The following DNAH3 variants were observed in gnomAD, a reference collection of about 807,000 sequenced individuals.
DNAH3 encodes the protein dynein axonemal heavy chain 3, also known as axonemal beta dynein heavy chain 3.
In DNAH3, 332 loss-of-function variants were observed where a neutral mutation model predicts 432.5. That is an observed-to-expected ratio of 0.77 (90% CI 0.70 to 0.84). DNAH3 has a LOEUF of 0.84. Among genes scored for constraint, DNAH3 ranks in the 40% least tolerant of loss-of-function variants. The probability of loss-of-function intolerance (pLI) is 0.00; values close to 1 mark genes in which losing one functional copy is unlikely to be tolerated. For synonymous variants in DNAH3, 1,956 were observed against 1,900.2 expected (o/e 1.03, Z -0.76); for missense variants, 4,861 against 5,114.0 (o/e 0.95, Z 1.51).
At chr16:21,137,117 A>T (rs1433331805) in intron 5 of DNAH3, among the ~76,000 whole-genome samples, 3 of 151,986 alleles carry the variant, frequency 2.0e-5, no homozygotes, top group Non-Finnish European at 4.4e-5. Context: ...CTGGGTGACC[A>T]ATCGAGACTC....
intron 18 of DNAH3, among the ~76,000 whole-genome samples, chr16:21,089,431 A>T (rs1250541410): frequency 6.6e-6 from 1 of 152,234 alleles, no homozygotes; most frequent in Non-Finnish European, 1.5e-5. Flanking sequence ...TATTGCAAAT[A>T]GAACACTTAC....
intron 40 of DNAH3, among the ~76,000 whole-genome samples, chr16:21,020,850 T>G (rs2088178422): frequency 6.6e-6 from 1 of 152,206 alleles, no homozygotes; most frequent in South Asian, 2.1e-4. Context: ...GTTTTCATCT[T>G]GAAGAACTGA....
chr16:21,104,495 T>C, exon 16 of DNAH3: 1 of 1,614,034 alleles, frequency 6.2e-7, no homozygotes, highest in South Asian at 1.1e-5. Flanking sequence ...CATTTCTGCC[T>C]GATCCCTCTT....
At chr16:20,987,907 A>G in intron 45 of DNAH3, 35 bp downstream of exon 45, 1 of 1,614,146 alleles carries the variant, frequency 6.2e-7, no homozygotes, top group Non-Finnish European at 8.5e-7. Flanking sequence ...GAGAACCCCC[A>G]GCCCACTATC....
exon 38 of DNAH3, chr16:21,027,089 G>A (rs1567660810): frequency 6.2e-7 from 1 of 1,613,796 alleles, no homozygotes; most frequent in African/African-American, 1.3e-5. Context: ...GGCTCATCTT[G>A]GAGTTCATCT....
chr16:21,131,854 CAAA>C (rs528482208), intron 7 of DNAH3, among the ~76,000 whole-genome samples: 17,947 of 66,658 alleles, frequency 0.27, 944 homozygotes, highest in South Asian at 0.37. Context: ...AACTCCATCT[CAAA>C]AAAAAAAAAA....
intron 44 of DNAH3, among the ~76,000 whole-genome samples, chr16:20,993,530 C>T (rs927541605): frequency 6.6e-6 from 1 of 152,130 alleles, no homozygotes; most frequent in Non-Finnish European, 1.5e-5. Context: ...GCTATAAAAT[C>T]CTCAACTCTC....
At chr16:21,067,473 T>A (rs200681205) in intron 23 of DNAH3, 54 bp from the exon 24 acceptor site, 6 of 1,598,458 alleles carry the variant, frequency 3.8e-6, no homozygotes, top group Non-Finnish European at 5.1e-6. Flanking sequence ...AGTTCTGAGA[T>A]TGGTCATTGT....
intron 6 of DNAH3, among the ~76,000 whole-genome samples, chr16:21,135,676 G>C (rs2152824344): frequency 6.6e-6 from 1 of 152,040 alleles, no homozygotes; most frequent in South Asian, 2.1e-4. Flanking sequence ...GCAGTGAGCA[G>C]AGATCACACC....
At chr16:20,952,175 G>A (rs745473122) in intron 56 of DNAH3, among the ~76,000 whole-genome samples, 10 of 152,152 alleles carry the variant, frequency 6.6e-5, no homozygotes, top group Non-Finnish European at 1.2e-4. Flanking sequence ...ACTGTGCCCC[G>A]CTGGCCTGTA....
intron 1 of DNAH3, among the ~76,000 whole-genome samples, chr16:21,149,953 C>T (rs1020802299): frequency 1.3e-5 from 2 of 152,110 alleles, no homozygotes; most frequent in Non-Finnish European, 1.5e-5. Context: ...CGGCCAGACA[C>T]GGTGGCTCAC....
intron 19 of DNAH3, among the ~76,000 whole-genome samples, 173 bp downstream of exon 19, chr16:21,086,676 C>A (rs1597348736): frequency 6.6e-6 from 1 of 152,310 alleles, no homozygotes; most frequent in Non-Finnish European, 1.5e-5. Context: ...GCAGGGAGTT[C>A]ATTCTCTTCC....
intron 7 of DNAH3, among the ~76,000 whole-genome samples, chr16:21,131,503 G>C (rs867478139): frequency 9.9e-6 from 1 of 101,476 alleles, no homozygotes; most frequent in African/African-American, 3.6e-5. Flanking sequence ...AGAGATGAGA[G>C]AGAAGGAAGG....
chr16:21,000,548 G>A lies in DNAH3; in HGVS notation c.6127-30C>T, dbSNP rs2086970258. ...ACCACACAGACATGGGAGAGTCTCG[G>A]TTGTGGGCCCAGGAAGCTGGAGGTC... On this transcript the variant is annotated intron_variant, in intron 42 of 61. Coordinates refer to ENST00000261383, the Ensembl canonical transcript of DNAH3. 4 of 1,557,362 alleles carry A rather than the reference G, an allele frequency of 2.6e-6. No homozygotes were observed. In the East Asian group the frequency reaches 9.0e-5, roughly 35 times the overall value.
chr16:21,141,114 G>A (rs926735235), intron 4 of DNAH3, among the ~76,000 whole-genome samples, 186 bp downstream of exon 5: 40 of 151,852 alleles, frequency 2.6e-4, no homozygotes, highest in Admixed American at 2.6e-3. Flanking sequence ...ACTCCAGCCC[G>A]GGCAACAGAG....
intron 18 of DNAH3, among the ~76,000 whole-genome samples, chr16:21,087,484 G>A (rs2091415881): frequency 5.3e-5 from 8 of 152,010 alleles, no homozygotes. Context: ...AGCAGTTTGA[G>A]ACCAGCCTGG....
chr16:20,954,821 C>A (rs2084486352), exon 55 of DNAH3: 1 of 1,613,874 alleles, frequency 6.2e-7, no homozygotes. Flanking sequence ...ACCTAGGGGG[C>A]CGAAGTTTCT....
chr16:21,137,262 A>T (rs529520885), intron 5 of DNAH3, among the ~76,000 whole-genome samples: 2,126 of 79,776 alleles, frequency 0.027, 49 homozygotes, highest in African/African-American at 0.08. Flanking sequence ...ATTTCTGTCT[A>T]AAAAAAAAAA....
At chr16:20,984,179 G>A (rs1462863844) in intron 48 of DNAH3, among the ~76,000 whole-genome samples, 2 of 151,552 alleles carry the variant, frequency 1.3e-5, no homozygotes, top group East Asian at 1.9e-4. Context: ...GTGTGTGTGT[G>A]TATATGTGTG....
Sources: allele counts gnomAD v4.1 joint callset (sites outside exome capture counted in the v4.1 genomes callset), GRCh38; gene constraint gnomAD v4.1.1; transcripts MANE v1.5; gene names NCBI Gene and HGNC (gene_info 2026-07-23, HGNC 2026-07-21).